Variants in CACNA1H observed in about 807,000 individuals in gnomAD.
The protein encoded by CACNA1H is voltage-dependent T-type calcium channel subunit alpha-1H.
A neutral mutation model predicts 192.5 loss-of-function variants in CACNA1H; 149 were observed. The ratio of observed to expected loss-of-function variants is 0.77; its 90% CI spans 0.68 to 0.89. The LOEUF is 0.89. Among genes scored for constraint, CACNA1H ranks in the 40% least tolerant of loss-of-function variants. The pLI is 0.00. For missense variants in CACNA1H, 4,257 were observed against 3,423.5 expected, an observed-to-expected ratio of 1.24 and a Z score of -6.08; for synonymous variants, 2,202 against 1,475.2, an observed-to-expected ratio of 1.49 and a Z score of -11.29.
intron 2 of CACNA1H, among the ~76,000 whole-genome samples, chr16:1,158,201 C>A (rs1962683996): frequency 6.6e-6 from 1 of 152,196 alleles, no homozygotes; most frequent in African/African-American, 2.4e-5. Context: ...GCTGCCTCCC[C>A]ACCCCCACAG....
intron 2 of CACNA1H, among the ~76,000 whole-genome samples, chr16:1,166,818 C>G (rs1347684493): frequency 6.6e-6 from 1 of 152,228 alleles, no homozygotes; most frequent in Non-Finnish European, 1.5e-5. Flanking sequence ...GTGTTTATCT[C>G]TTCACCGCTG....
At position 1,153,862 on chromosome 16, in the gene CACNA1H, G is replaced by T. The variant is rs1961906780; in HGVS notation, c.125G>T (p.Arg42Leu). ...SPGAPGREAE[R>L]GSELGVSPSE... Reference sequence around the variant, plus strand: ...GGGGCGCCGGGACGCGAGGCGGAGCGGGGGTCCGAGCTCGGCGTGTCACCC... The same window carrying T: ...GGGGCGCCGGGACGCGAGGCGGAGCTGGGGTCCGAGCTCGGCGTGTCACCC... The change falls in exon 2 of 35, where the codon CGG becomes CTG. Residue 42 changes from arginine (R) to leucine (L), a missense_variant. Arg to Leu is a moderately radical substitution (Grantham distance 102). Coordinates refer to ENST00000348261, the MANE Select transcript of CACNA1H (RefSeq NM_021098.3). 2.9e-6 allele frequency: 4 copies of T among 1,371,584 alleles called. No individual in the cohort carries two copies. The East Asian group carries it at 9.5e-5, about 33-fold the overall frequency. The allele number at this position is 1,371,584 out of a possible 1,614,324, so 85.0% of individuals were successfully genotyped here. A position where few individuals can be genotyped will look rare whatever the true frequency, so the allele number is the denominator to read the frequency against.
chr16:1,218,882 G>C lies in CACNA1H; in HGVS notation c.5888-88G>C, dbSNP rs1441094862. 6.4e-6 allele frequency: 9 copies of C among 1,406,834 alleles called. No individual in the cohort carries two copies. In the African/African-American group the frequency reaches 1.0e-4, roughly 16 times the overall value. 87.1% of individuals were successfully genotyped at this position (1,406,834 alleles called of 1,614,324 possible). A position where few individuals can be genotyped will look rare whatever the true frequency, so the allele number is the denominator to read the frequency against. On this transcript the variant is annotated intron_variant, in intron 33 of 34. Transcript: ENST00000348261. ...CTGGGGCTGGCCAGGAAGGAGGATG[G>C]TGGCAGGTTGGGGGAGGACGGGGGT...
In CACNA1H at chr16:1,220,953, G is replaced by T. The variant is rs1158019084; in HGVS notation, c.7021G>T (p.Ala2341Ser). Residue 2341 changes from alanine to serine, a missense_variant, in exon 35 of 35, where the codon GCC becomes TCC. Transcript: ENST00000348261. Reference protein sequence around the residue: ...CPLEKPGSPSATPAPGGGADD... With the variant: ...CPLEKPGSPSSTPAPGGGADD... ...TCTGGAGAAACCAGGGTCCCCCTCA[G>T]CCACCCCTGCCCCAGGGGGTGGTGC... 6.2e-7 allele frequency: 1 copy of T among 1,606,402 alleles called. No individual in the cohort carries two copies. The highest frequency in any genetic ancestry group is 8.5e-7 in the Non-Finnish European group (1 of 1,176,162).
intron 6 of CACNA1H, among the ~76,000 whole-genome samples, chr16:1,200,040 C>G (rs575464285): frequency 6.6e-6 from 1 of 152,106 alleles, no homozygotes; most frequent in Non-Finnish European, 1.5e-5. Context: ...TGTTCTTGAC[C>G]CTGGTCCTGG....
intron 11 of CACNA1H, among the ~76,000 whole-genome samples, chr16:1,205,492 C>CACCTGTTAGGTCAGCTGCGT (rs879357639): frequency 1.8e-4 from 27 of 152,342 alleles, no homozygotes; most frequent in Non-Finnish European, 3.1e-4. Context: ...ACGGGGTGCG[C>CACCTGTTAGGTCAGCTGCGT]ACCTGTTAGG....
chr16:1,160,465 C>T (rs2151645098), intron 2 of CACNA1H, among the ~76,000 whole-genome samples: 1 of 152,346 alleles, frequency 6.6e-6, no homozygotes. Flanking sequence ...AGGAGCTCTG[C>T]TGGCTCTCAG....
At chr16:1,193,293 C>T (rs1456030333) in intron 2 of CACNA1H, among the ~76,000 whole-genome samples, 4 of 152,260 alleles carry the variant, frequency 2.6e-5, no homozygotes, top group Non-Finnish European at 4.4e-5. Context: ...GTGCCCGAGG[C>T]TGGGGGCGGA....
chr16:1,187,608 G>T (rs944085569), intron 2 of CACNA1H, among the ~76,000 whole-genome samples: 44 of 152,226 alleles, frequency 2.9e-4, no homozygotes, highest in African/African-American at 1.0e-3. Context: ...CCTCCCAGCT[G>T]CAGAGCTCTG....
chr16:1,217,687 G>A (rs554433642), intron 31 of CACNA1H, among the ~76,000 whole-genome samples: 2 of 152,238 alleles, frequency 1.3e-5, no homozygotes, highest in Non-Finnish European at 1.5e-5. Context: ...GCAGCCGCCA[G>A]GCCTGATGAG....
chr16:1,161,443 C>G (rs1471682756), intron 2 of CACNA1H, among the ~76,000 whole-genome samples: 1 of 152,204 alleles, frequency 6.6e-6, no homozygotes, highest in African/African-American at 2.4e-5. Context: ...GGCCTGAGGA[C>G]TGAGGTGGGG....
At position 1,218,427 on chromosome 16, in the gene CACNA1H, C is replaced by T. The variant is rs774465069; in HGVS notation, c.5663C>T (p.Pro1888Leu). Residue 1888 changes from proline to leucine, a missense_variant, in exon 33 of 35, where the codon CCC (proline) becomes CTC (leucine). Pro to Leu is a moderately conservative substitution (Grantham distance 98). Transcript: ENST00000348261. ...ATCGAGCTGGAGATGGCGCAGGGCCCCGGGAGTGCACGCCGGGTGGACGCG... is the reference window on the plus strand; with the variant it reads ...ATCGAGCTGGAGATGGCGCAGGGCCTCGGGAGTGCACGCCGGGTGGACGCG... ...AEIELEMAQG[P>L]GSARRVDADR... 12 of 1,553,544 alleles carry T rather than the reference C, an allele frequency of 7.7e-6. No individual in the cohort carries two copies. Among genetic ancestry groups the T allele is most frequent in the South Asian group, 4.8e-5 (4 of 84,210 alleles).
At chr16:1,187,683 C>G (rs913532274) in intron 2 of CACNA1H, among the ~76,000 whole-genome samples, 4 of 152,202 alleles carry the variant, frequency 2.6e-5, no homozygotes, top group African/African-American at 9.7e-5. Flanking sequence ...CTGGAGGCCA[C>G]AGCCCTGCTT....
rs533168148 is a variant in CACNA1H at position 1,169,488 on chromosome 16, G to A, written c.299+15452G>A. 3.6e-3 allele frequency among the ~76,000 whole-genome samples: 554 copies of A among 152,328 alleles called. 5 individuals are homozygous for A. The highest frequency in any genetic ancestry group is 0.025 in the South Asian group (122 of 4,830). ...CGCGACGTTCCCCCAAGAAGCAGCA[G>A]CAGGGCTTGGCGGGCACAGCGCGTG... On this transcript the variant is annotated intron_variant, in intron 2 of 34. Transcript: ENST00000348261.
intron 5 of CACNA1H, among the ~76,000 whole-genome samples, chr16:1,196,921 G>T (rs1321591613): frequency 6.6e-6 from 1 of 152,212 alleles, no homozygotes; most frequent in Non-Finnish European, 1.5e-5. Context: ...AGTGCATACT[G>T]CGTGTAGATG....
chr16:1,210,671 C>T lies in CACNA1H; in HGVS notation c.4038+20C>T. 1 of 1,598,420 alleles carries T rather than the reference C, an allele frequency of 6.3e-7. No homozygotes were observed. Among genetic ancestry groups the T allele is most frequent in the Non-Finnish European group, 8.5e-7 (1 of 1,178,536 alleles). On this transcript the variant is annotated intron_variant, in intron 20 of 34. Transcript: ENST00000348261. ...GTGAAGGTACCGCGGGGCCCGGGGA[C>T]TGCCCTTGTTCCCAGGTCCCCGTTC...
chr16:1,177,720 C>T (rs956747083), intron 2 of CACNA1H, among the ~76,000 whole-genome samples: 2 of 151,758 alleles, frequency 1.3e-5, no homozygotes, highest in African/African-American at 4.8e-5. Context: ...TGGGGCTCCA[C>T]GGGGGCCACT....
chr16:1,216,904 G>T, intron 30 of CACNA1H, 28 bp from the exon 31 acceptor site: 1 of 1,580,150 alleles, frequency 6.3e-7, no homozygotes, highest in South Asian at 1.2e-5. Context: ...CCGCCCGTCT[G>T]ACCCAGCTCT....
rs1477371510 is a variant in CACNA1H at position 1,218,584 on chromosome 16, C to T, written c.5820C>T (p.Ala1940=). The T allele has an allele frequency of 2.6e-6, 4 of 1,565,572 alleles. No homozygotes were observed. Among genetic ancestry groups the T allele is most frequent in the East Asian group, 2.4e-5 (1 of 42,318 alleles). Residue 1940 remains alanine, a synonymous_variant, in exon 33 of 35, where the codon GCC becomes GCT. Coordinates refer to ENST00000348261, the MANE Select transcript of CACNA1H (RefSeq NM_021098.3). ...DSYMFRPVVP[A]SAPHPRPLQE... is the part of the protein sequence containing the mutation. ...ACATGTTCAGGCCCGTGGTGCCTGC[C>T]TCGGCGCCCCACCCCCGCCCGCTGC...
Sources: allele counts gnomAD v4.1 joint callset (sites outside exome capture counted in the v4.1 genomes callset), GRCh38; gene constraint gnomAD v4.1.1; transcripts MANE v1.5; gene names NCBI Gene and HGNC (gene_info 2026-07-23, HGNC 2026-07-21).